Variants in MTF2 observed in about 807,000 individuals in gnomAD.
The protein encoded by MTF2 is metal-response element-binding transcription factor 2.
A neutral mutation model predicts 79.5 loss-of-function variants in MTF2; 11 were observed. That is an observed-to-expected ratio of 0.14 (90% confidence interval 0.09 to 0.23). The LOEUF (loss-of-function observed/expected upper bound fraction) is 0.23. MTF2 is among the 10% of genes least tolerant of loss of function. MTF2 has a pLI of 1.00. For missense variants in MTF2, 486 were observed against 711.2 expected, an observed-to-expected ratio of 0.68 and a Z score of 3.60; for synonymous variants, 208 against 232.8, an observed-to-expected ratio of 0.89 and a Z score of 0.97.
At chr1:93,093,781 G>A (rs1655168361) in intron 1 of MTF2, among the ~76,000 whole-genome samples, 1 of 152,048 alleles carries the variant, frequency 6.6e-6, no homozygotes, top group African/African-American at 2.4e-5. Flanking sequence ...CATGATCATA[G>A]TACACTACAG....
At chr1:93,121,058 T>C (rs781005254) in intron 9 of MTF2, 220 of 977,646 alleles carry the variant, frequency 2.3e-4, no homozygotes, top group Admixed American at 4.9e-4. Flanking sequence ...TTCCTTCCTC[T>C]CTTGTTGGTA....
At chr1:93,094,810 G>A (rs1488931404) in intron 1 of MTF2, among the ~76,000 whole-genome samples, 1 of 152,114 alleles carries the variant, frequency 6.6e-6, no homozygotes, top group Non-Finnish European at 1.5e-5. Flanking sequence ...TTCATTAGGT[G>A]TTGCAAAATG....
intron 8 of MTF2, 132 bp from the exon 9 acceptor site, chr1:93,120,417 T>C (rs1414657094): frequency 2.8e-6 from 2 of 719,884 alleles, no homozygotes; most frequent in Non-Finnish European, 4.1e-6. Context: ...TAGTGATTTA[T>C]TGTATTGTGA....
intron 1 of MTF2, among the ~76,000 whole-genome samples, chr1:93,080,532 T>C (rs1469040371): frequency 6.6e-6 from 1 of 152,246 alleles, no homozygotes; most frequent in Non-Finnish European, 1.5e-5. Flanking sequence ...CATGTAACAC[T>C]AACTTAAATG....
intron 11 of MTF2, among the ~76,000 whole-genome samples, chr1:93,132,112 A>C (rs1003374012): frequency 3.9e-5 from 6 of 152,156 alleles, no homozygotes; most frequent in African/African-American, 1.2e-4. Flanking sequence ...AGGTAAAGAT[A>C]GCTGAGAGGC....
intron 1 of MTF2, among the ~76,000 whole-genome samples, chr1:93,093,810 C>T (rs529021908): frequency 2.6e-5 from 4 of 152,162 alleles, no homozygotes; most frequent in South Asian, 4.2e-4. Flanking sequence ...TAGGCTCAAG[C>T]GATCCTCCTG....
At chr1:93,127,179 A>G in intron 9 of MTF2, 53 bp from the exon 10 acceptor site, 1 of 1,236,428 alleles carries the variant, frequency 8.1e-7, no homozygotes, top group Non-Finnish European at 1.2e-6. Context: ...GCACCTGTAT[A>G]TTACTAATTG....
At chr1:93,107,465 A>T (rs947378601) in intron 1 of MTF2, among the ~76,000 whole-genome samples, 2 of 151,942 alleles carry the variant, frequency 1.3e-5, no homozygotes, top group African/African-American at 4.8e-5. Flanking sequence ...GCCTCAAATG[A>T]TCCACCTGCC....
At chr1:93,111,791 A>C (rs1656037956) in intron 3 of MTF2, among the ~76,000 whole-genome samples, 1 of 152,156 alleles carries the variant, frequency 6.6e-6, no homozygotes, top group African/African-American at 2.4e-5. Flanking sequence ...TATTGAGCAG[A>C]TCTTACTACC....
chr1:93,134,809 C>T (rs1212412929), intron 14 of MTF2, among the ~76,000 whole-genome samples: 2 of 148,662 alleles, frequency 1.3e-5, no homozygotes, highest in Non-Finnish European at 3.0e-5. Context: ...CACGCCTGAG[C>T]CACTACAGCT....
Position 93,109,929 on chromosome 1 carries a change from G to A in MTF2, c.6-301G>A, listed in dbSNP as rs536409590. Among the ~76,000 whole-genome samples, 4 of 152,224 alleles carry A rather than the reference G, an allele frequency of 2.6e-5. No homozygotes were observed. The South Asian group carries it at 8.3e-4, about 32-fold the overall frequency. ...CAAGACATTATTTGCTCATGATCAT[G>A]GCCTGCATACCTCAACATAAAGCTG... On this transcript the variant is annotated intron_variant, in intron 1 of 14. Coordinates refer to ENST00000370298, the MANE Select transcript of MTF2 (RefSeq NM_007358.4).
chr1:93,116,017 A>G (rs1243139386), intron 6 of MTF2, among the ~76,000 whole-genome samples: 1 of 152,206 alleles, frequency 6.6e-6, no homozygotes, highest in Non-Finnish European at 1.5e-5. Context: ...TTTTTAAGAC[A>G]TAAAATCAAC....
chr1:93,101,474 A>C (rs980984108), intron 1 of MTF2, among the ~76,000 whole-genome samples: 1 of 140,596 alleles, frequency 7.1e-6, no homozygotes, highest in Non-Finnish European at 1.5e-5. Context: ...CGAACTCCTG[A>C]GCTCAAGTGA....
At chr1:93,121,404 T>G (rs1198616461) in intron 9 of MTF2, 3 of 862,350 alleles carry the variant, frequency 3.5e-6, no homozygotes, top group East Asian at 2.4e-4. Context: ...TAGTTAAAAC[T>G]AAAAAATTTG....
At chr1:93,118,571 T>C (rs1656344993) in intron 7 of MTF2, 131 bp downstream of exon 7, 3 of 541,674 alleles carry the variant, frequency 5.5e-6, no homozygotes, top group Non-Finnish European at 9.6e-6. Context: ...AGGGAAAATA[T>C]TAAATAATAT....
chr1:93,092,965 G>A (rs1655132771), intron 1 of MTF2, among the ~76,000 whole-genome samples: 1 of 152,026 alleles, frequency 6.6e-6, no homozygotes, highest in Non-Finnish European at 1.5e-5. Context: ...GGCAAATCAC[G>A]AGGTTAGGAG....
chr1:93,079,628 GA>G, intron 1 of MTF2, 97 bp downstream of exon 1: 1 of 1,423,568 alleles, frequency 7.0e-7, no homozygotes, highest in Non-Finnish European at 9.8e-7. Flanking sequence ...AAAGATGGAG[GA>G]CCAAGGTGGG....
chr1:93,080,609 A>C (rs1159847564), intron 1 of MTF2, among the ~76,000 whole-genome samples: 1 of 152,216 alleles, frequency 6.6e-6, no homozygotes, highest in Non-Finnish European at 1.5e-5. Flanking sequence ...ACAGAGCTAG[A>C]AATATGTAAA....
chr1:93,129,541 A>G (rs1656832852), intron 11 of MTF2, 93 bp downstream of exon 11: 1 of 1,045,106 alleles, frequency 9.6e-7, no homozygotes. Context: ...TTGAAAGTAC[A>G]AGTGGCAGTT....
Sources: allele counts gnomAD v4.1 joint callset (sites outside exome capture counted in the v4.1 genomes callset), GRCh38; gene constraint gnomAD v4.1.1; transcripts MANE v1.5; gene names NCBI Gene and HGNC (gene_info 2026-07-23, HGNC 2026-07-21).